The following DCTN5 variants were observed in gnomAD, a reference collection of about 807,000 sequenced individuals.
The protein encoded by DCTN5 is dynactin 4.
DCTN5 carries 14 observed loss-of-function variants against 23.5 expected under a neutral mutation model. The observed-to-expected ratio is 0.60, with a 90% CI of 0.39 to 0.93. The LOEUF is 0.93. DCTN5 is among the 40% of genes least tolerant of loss of function. The pLI is 0.00. For missense variants in DCTN5, 156 were observed against 225.9 expected, an observed-to-expected ratio of 0.69 and a Z score of 1.98; for synonymous variants, 67 against 79.6, an observed-to-expected ratio of 0.84 and a Z score of 0.84.
In DCTN5 at chr16:23,661,220, A is replaced by G. The variant is rs1967803809; in HGVS notation, c.287A>G (p.Asp96Gly). The change falls in exon 4 of 6, where the codon GAT (aspartate) becomes GGT (glycine). Residue 96 changes from aspartate (D) to glycine (G), a missense_variant. Transcript: ENST00000300087. ...HIGDHVFIEE[D>G]CVVNAAQIGS... ...GGAGACCATGTCTTTATTGAGGAAG[A>G]TTGTGTGGTCAACGCAGCACAGATT... 1 of 1,612,880 alleles carries G rather than the reference A, an allele frequency of 6.2e-7. No individual in the cohort carries two copies. Among genetic ancestry groups the G allele is most frequent in the African/African-American group, 1.3e-5 (1 of 74,862 alleles).
rs139225514 is a variant in DCTN5, at chr16:23,670,111, C to T, written c.*2967C>T. On this transcript the variant is annotated 3_prime_UTR_variant, in exon 6 of 6. Transcript: ENST00000300087. ...GATTGCCTGGATGTGACCACCCTCA[C>T]CCCCAACCCTCACACACCCTGCCAG... 3.9e-3 allele frequency: 591 copies of T among 152,324 alleles called. 2 individuals carry two copies. The highest frequency in any genetic ancestry group is 6.8e-3 in the Middle Eastern group (2 of 296). The allele number at this position is 152,324 out of a possible 1,614,324, so 9.4% of individuals were successfully genotyped here. A position where few individuals can be genotyped will look rare whatever the true frequency, so the allele number is the denominator to read the frequency against.
At chr16:23,650,009 A>G (rs959140528) in intron 2 of DCTN5, among the ~76,000 whole-genome samples, 12 of 152,226 alleles carry the variant, frequency 7.9e-5, no homozygotes, top group African/African-American at 1.4e-4. Flanking sequence ...TCAGCTGGCT[A>G]TAGATATGTG....
chr16:23,666,153 A>AG (rs1441215924), intron 5 of DCTN5: 1 of 169,602 alleles, frequency 5.9e-6, no homozygotes, highest in African/African-American at 2.4e-5. Flanking sequence ...CTGCCAACAC[A>AG]GGGAATGTAC....
rs563766556 is a variant in DCTN5, at chr16:23,649,150, C to T, written c.117+6127C>T. Among the ~76,000 whole-genome samples, 326 of 152,240 alleles carry T rather than the reference C, an allele frequency of 2.1e-3. 3 individuals are homozygous for T. The Middle Eastern group carries it at 0.044, about 21-fold the overall frequency. ...TGCTGGGATTACAGGCATGAGCCACCGTGCCTGGCTGATTAGTGATGTTTA... is the reference window on the plus strand; with the variant it reads ...TGCTGGGATTACAGGCATGAGCCACTGTGCCTGGCTGATTAGTGATGTTTA... On this transcript the variant is annotated intron_variant, in intron 2 of 5. Transcript: ENST00000300087.
At chr16:23,661,758 A>G (rs1049383598) in intron 4 of DCTN5, among the ~76,000 whole-genome samples, 1 of 151,844 alleles carries the variant, frequency 6.6e-6, no homozygotes, top group Non-Finnish European at 1.5e-5. Context: ...AAATAAAAAG[A>G]TTTGGAATAT....
chr16:23,662,153 A>G (rs529052800), intron 4 of DCTN5, among the ~76,000 whole-genome samples: 1 of 152,214 alleles, frequency 6.6e-6, no homozygotes, highest in African/African-American at 2.4e-5. Context: ...ATGCTGCTAT[A>G]TGGCCTACTT....
intron 2 of DCTN5, among the ~76,000 whole-genome samples, chr16:23,649,590 C>T (rs901522172): frequency 6.6e-6 from 1 of 152,122 alleles, no homozygotes; most frequent in African/African-American, 2.4e-5. Flanking sequence ...CGCCTATAAT[C>T]CCAGCTCTTC....
rs947921293 is a variant in DCTN5, at chr16:23,670,290, GTGGTGGC to G, written c.*3148_*3154del. Reference sequence around the variant, plus strand: ...GCCCTTGTGGTTATTTGGGGTTGGGGTGGTGGCTTCTGTATTAGTCACTTCTGCATGA... The same window carrying G: ...GCCCTTGTGGTTATTTGGGGTTGGGGTTCTGTATTAGTCACTTCTGCATGA... On this transcript the variant is annotated 3_prime_UTR_variant, in exon 6 of 6. Transcript: ENST00000300087. 9.2e-5 allele frequency: 14 copies of G among 152,414 alleles called. No individual in the cohort carries two copies. The highest frequency in any genetic ancestry group is 3.4e-4 in the African/African-American group (14 of 41,564). 9.4% of individuals were successfully genotyped at this position (152,414 alleles called of 1,614,324 possible). A position where few individuals can be genotyped will look rare whatever the true frequency, so the allele number is the denominator to read the frequency against.
In DCTN5 at chr16:23,670,410, T is replaced by G. The variant is rs1464287392; in HGVS notation, c.*3266T>G. The G allele has an allele frequency of 6.6e-6, 1 of 152,162 alleles. No homozygotes were observed. The highest frequency in any genetic ancestry group is 2.4e-5 in the African/African-American group (1 of 41,422). 9.4% of individuals were successfully genotyped at this position (152,162 alleles called of 1,614,324 possible). Reference sequence around the variant, plus strand: ...TTGAAATTAATCAGACAAACATTGTTCATAGTTAACATATCCTTGGAAGTT... The same window carrying G: ...TTGAAATTAATCAGACAAACATTGTGCATAGTTAACATATCCTTGGAAGTT... On this transcript the variant is annotated 3_prime_UTR_variant, in exon 6 of 6. Transcript: ENST00000300087.
rs1967755095 is a variant in DCTN5 at position 23,658,594 on chromosome 16, A to G, written c.205A>G (p.Ile69Val). 2 of 1,614,080 alleles carry G rather than the reference A, an allele frequency of 1.2e-6. No individual in the cohort carries two copies. Among genetic ancestry groups the G allele is most frequent in the Admixed American group, 1.7e-5 (1 of 60,008 alleles). ...TTGTGTTGTGAAAAGTCGTAGTGTC[A>G]TAAGGCCACCATTCAAGAAGTTCAG... ...RHCVVKSRSVIRPPFKKFSKG... is the reference protein window; with the variant it reads ...RHCVVKSRSVVRPPFKKFSKG... The change falls in exon 3 of 6, where the codon ATA (isoleucine) becomes GTA (valine). Residue 69 changes from isoleucine (I) to valine (V), a missense_variant. Transcript: ENST00000300087.
intron 2 of DCTN5, chr16:23,657,616 G>A (rs1206121898): frequency 1.1e-5 from 3 of 274,172 alleles, no homozygotes. Context: ...GCTAATTTTT[G>A]TATTTTTAGT....
At chr16:23,643,985 A>G (rs1967366896) in intron 2 of DCTN5, among the ~76,000 whole-genome samples, 1 of 152,126 alleles carries the variant, frequency 6.6e-6, no homozygotes. Context: ...TCTAACTTCC[A>G]GAAGGAAAAT....
At chr16:23,647,970 A>T (rs147596202) in intron 2 of DCTN5, among the ~76,000 whole-genome samples, 1 of 152,142 alleles carries the variant, frequency 6.6e-6, no homozygotes, top group Non-Finnish European at 1.5e-5. Context: ...TACTATTTTT[A>T]TGTTCCTCCC....
intron 2 of DCTN5, among the ~76,000 whole-genome samples, chr16:23,657,761 A>G (rs1967736070): frequency 6.6e-6 from 1 of 152,130 alleles, no homozygotes; most frequent in South Asian, 2.1e-4. Flanking sequence ...TTTTTAATGA[A>G]ATAAAATATT....
intron 1 of DCTN5, 86 bp from the exon 2 acceptor site, chr16:23,642,869 C>G: frequency 8.2e-7 from 1 of 1,225,110 alleles, no homozygotes; most frequent in Non-Finnish European, 1.2e-6. Context: ...GTTTTTTTCT[C>G]TCAAATGGGA....
intron 3 of DCTN5, among the ~76,000 whole-genome samples, 199 bp from the exon 4 acceptor site, chr16:23,660,971 G>A (rs1213350101): frequency 6.6e-6 from 1 of 152,060 alleles, no homozygotes; most frequent in Admixed American, 6.6e-5. Flanking sequence ...TTTCTTTGGT[G>A]TACTATTGCA....
Position 23,658,428 on chromosome 16 carries a change from C to G in DCTN5, c.118-79C>G, listed in dbSNP as rs918602042. The G allele has an allele frequency of 3.0e-5, 26 of 878,898 alleles. No individual in the cohort carries two copies. In the African/African-American group the frequency reaches 3.8e-4, roughly 13 times the overall value. The allele number at this position is 878,898 out of a possible 1,614,324, so 54.4% of individuals were successfully genotyped here. A position where few individuals can be genotyped will look rare whatever the true frequency, so the allele number is the denominator to read the frequency against. On this transcript the variant is annotated intron_variant, in intron 2 of 5. Coordinates refer to ENST00000300087, the MANE Select transcript of DCTN5 (RefSeq NM_032486.4). ...AGTGGATTGTAACATAACTCAGAAT[C>G]AGTATCTCGTTATCTACTCTTTTTT...
chr16:23,641,616 C>T, intron 1 of DCTN5, 26 bp downstream of exon 1: 11 of 1,613,616 alleles, frequency 6.8e-6, no homozygotes, highest in South Asian at 1.1e-5. Context: ...TATGTATCCT[C>T]CTCTTTCCAA....
chr16:23,657,920 A>G (rs1967739268), intron 2 of DCTN5, among the ~76,000 whole-genome samples: 1 of 152,160 alleles, frequency 6.6e-6, no homozygotes, highest in Admixed American at 6.5e-5. Flanking sequence ...TTTATTCAGC[A>G]GACATTTTGA....
Sources: gnomAD v4.1 joint callset for allele counts (sites outside exome capture counted in the v4.1 genomes callset) on GRCh38, gnomAD v4.1.1 for gene constraint, MANE v1.5 for transcripts, NCBI Gene and HGNC (gene_info 2026-07-23, HGNC 2026-07-21) for gene names.